The following SPIN1 variants were observed in gnomAD, a reference collection of about 807,000 sequenced individuals.
The protein encoded by SPIN1 is spindlin 1.
A neutral mutation model predicts 26.0 loss-of-function variants in SPIN1; 3 were observed. The ratio of observed to expected loss-of-function variants is 0.12; its 90% CI spans 0.05 to 0.30. The LOEUF is 0.30. Among genes scored for constraint, SPIN1 ranks in the 10% least tolerant of loss-of-function variants. The probability of loss-of-function intolerance (pLI) is 1.00; values close to 1 mark genes in which losing one functional copy is unlikely to be tolerated. For missense variants in SPIN1, 126 were observed against 333.4 expected, an observed-to-expected ratio of 0.38 and a Z score of 4.84; for synonymous variants, 101 against 116.5, an observed-to-expected ratio of 0.87 and a Z score of 0.86.
intron 1 of SPIN1, among the ~76,000 whole-genome samples, chr9:88,396,755 ATAGAG>A (rs1406483197): frequency 6.6e-6 from 1 of 152,130 alleles, no homozygotes; most frequent in Non-Finnish European, 1.5e-5. Context: ...TGTGTACCTC[ATAGAG>A]TATACTTACA....
Position 88,413,422 on chromosome 9 carries a change from C to T in SPIN1, c.-158-12960C>T, listed in dbSNP as rs188680291. ...TATTTTTAAGGCAGTCTCCCTGTAT[C>T]GCCCAGGCTGGAGTGCAGTGGTGCG... On this transcript the variant is annotated intron_variant, in intron 1 of 5. Coordinates refer to ENST00000375859, the MANE Select transcript of SPIN1 (RefSeq NM_006717.3). Among the ~76,000 whole-genome samples, 187 of 147,900 alleles carry T rather than the reference C, an allele frequency of 1.3e-3. 3 individuals are homozygous for T. The highest frequency in any genetic ancestry group is 0.011 in the Admixed American group (162 of 14,828).
chr9:88,460,545 C>T lies in SPIN1; in HGVS notation c.102-1951C>T, dbSNP rs112680791. Among the ~76,000 whole-genome samples the T allele has an allele frequency of 2.0e-4, 30 of 152,200 alleles. 3 individuals are homozygous for T. The South Asian group carries it at 6.0e-3, about 31-fold the overall frequency. On this transcript the variant is annotated intron_variant, in intron 3 of 5. Transcript: ENST00000375859. Reference sequence around the variant, plus strand: ...TGCTATTTTGAAGACTGAGAAGTCCCGTGGAGTGCTGTCTGTAAGCCAAGC... The same window carrying T: ...TGCTATTTTGAAGACTGAGAAGTCCTGTGGAGTGCTGTCTGTAAGCCAAGC...
At chr9:88,455,505 T>C (rs1277739542) in intron 3 of SPIN1, among the ~76,000 whole-genome samples, 1 of 152,152 alleles carries the variant, frequency 6.6e-6, no homozygotes, top group African/African-American at 2.4e-5. Flanking sequence ...AATACTTAAG[T>C]TGTAGAAAAT....
chr9:88,392,381 A>T (rs1359905527), intron 1 of SPIN1, among the ~76,000 whole-genome samples: 1 of 152,196 alleles, frequency 6.6e-6, no homozygotes, highest in Non-Finnish European at 1.5e-5. Context: ...CTGATAGAGG[A>T]GATACACATG....
intron 1 of SPIN1, among the ~76,000 whole-genome samples, chr9:88,413,893 A>G (rs955149425): frequency 1.3e-5 from 2 of 152,174 alleles, no homozygotes; most frequent in African/African-American, 4.8e-5. Context: ...TACCAGCTGC[A>G]AACTTCGGGG....
chr9:88,438,974 G>A (rs1039000760), intron 2 of SPIN1, among the ~76,000 whole-genome samples: 1 of 152,060 alleles, frequency 6.6e-6, no homozygotes, highest in Non-Finnish European at 1.5e-5. Context: ...TTGACTAGAG[G>A]AAACACTTTA....
chr9:88,401,434 G>A (rs1272344798), intron 1 of SPIN1, among the ~76,000 whole-genome samples: 3 of 151,938 alleles, frequency 2.0e-5, no homozygotes, highest in Non-Finnish European at 4.4e-5. Flanking sequence ...CTGCCTCCCC[G>A]CCTGCACCCC....
chr9:88,445,038 G>A (rs572228603), intron 2 of SPIN1, among the ~76,000 whole-genome samples: 1 of 152,250 alleles, frequency 6.6e-6, no homozygotes, highest in Admixed American at 6.5e-5. Context: ...CTTCTAAATG[G>A]GAATGTTGAC....
intron 1 of SPIN1, among the ~76,000 whole-genome samples, chr9:88,406,749 CTTCT>C (rs1564024049): frequency 6.6e-6 from 1 of 152,040 alleles, no homozygotes; most frequent in African/African-American, 2.4e-5. Context: ...CCTTTCTTGC[CTTCT>C]TTTAGATGCT....
At chr9:88,408,981 T>TGTGTGTGTGTGTGTGTG (rs1827375578) in intron 1 of SPIN1, among the ~76,000 whole-genome samples, 2 of 136,596 alleles carry the variant, frequency 1.5e-5, no homozygotes, top group Admixed American at 7.4e-5. Context: ...TTGTGTGTGT[T>TGTGTGTGTGTGTGTGTG]TGTGTGTGTG....
At chr9:88,441,398 C>CGTGT (rs60571153) in intron 2 of SPIN1, among the ~76,000 whole-genome samples, 39 of 137,804 alleles carry the variant, frequency 2.8e-4, no homozygotes, top group East Asian at 8.1e-4. Context: ...TGCTGCCATT[C>CGTGT]GTGTGTGTGT....
At chr9:88,440,728 C>T (rs577653186) in intron 2 of SPIN1, among the ~76,000 whole-genome samples, 44 of 151,682 alleles carry the variant, frequency 2.9e-4, no homozygotes, top group African/African-American at 1.0e-3. Flanking sequence ...ACACGATGCA[C>T]GCCACCACGC....
At chr9:88,449,502 A>G (rs535653007) in intron 3 of SPIN1, among the ~76,000 whole-genome samples, 37 of 152,324 alleles carry the variant, frequency 2.4e-4, no homozygotes, top group African/African-American at 7.7e-4. Context: ...AGATAATGCA[A>G]TAGCCATCTA....
rs1828876653 is a variant in SPIN1, at chr9:88,475,660, T to G, written c.*383T>G. Reference sequence around the variant, plus strand: ...TTTCGTTATTGCCTTTTTTGAGATGTATGTATCTGTATCTACCTATATCTA... The same window carrying G: ...TTTCGTTATTGCCTTTTTTGAGATGGATGTATCTGTATCTACCTATATCTA... On this transcript the variant is annotated 3_prime_UTR_variant, in exon 6 of 6. Transcript: ENST00000375859. The G allele has an allele frequency of 1.0e-5, 2 of 196,578 alleles. No individual in the cohort carries two copies. Among genetic ancestry groups the G allele is most frequent in the Admixed American group, 1.1e-4 (2 of 18,900 alleles). 12.2% of individuals were successfully genotyped at this position (196,578 alleles called of 1,614,324 possible). A position where few individuals can be genotyped will look rare whatever the true frequency, so the allele number is the denominator to read the frequency against.
At chr9:88,451,112 TA>T (rs551909200) in intron 3 of SPIN1, among the ~76,000 whole-genome samples, 4 of 148,910 alleles carry the variant, frequency 2.7e-5, no homozygotes, top group Admixed American at 6.7e-5. Flanking sequence ...AAACCAAATA[TA>T]AAAAAAAAAC....
chr9:88,410,051 A>G (rs1368726209), intron 1 of SPIN1, among the ~76,000 whole-genome samples: 5 of 151,908 alleles, frequency 3.3e-5, no homozygotes, highest in Non-Finnish European at 7.4e-5. Flanking sequence ...ACACTTGGCA[A>G]TTGCTCTCAG....
chr9:88,452,158 T>C (rs1828367549), intron 3 of SPIN1, among the ~76,000 whole-genome samples: 1 of 152,220 alleles, frequency 6.6e-6, no homozygotes, highest in South Asian at 2.1e-4. Context: ...AGTGTCGTTG[T>C]ACTCCTCCTT....
intron 2 of SPIN1, among the ~76,000 whole-genome samples, chr9:88,432,853 G>GT (rs145241458): frequency 0.027 from 4,159 of 151,408 alleles, 183 homozygotes; most frequent in African/African-American, 0.092. Context: ...TTTGTTTTTT[G>GT]TTTTTTTTAA....
intron 1 of SPIN1, among the ~76,000 whole-genome samples, chr9:88,392,506 A>G (rs796263743): frequency 2.6e-5 from 4 of 152,254 alleles, no homozygotes; most frequent in African/African-American, 9.6e-5. Flanking sequence ...GAACAGAGGC[A>G]TGAGAGGAGT....
Sources: gnomAD v4.1 joint callset for allele counts (sites outside exome capture counted in the v4.1 genomes callset) on GRCh38, gnomAD v4.1.1 for gene constraint, MANE v1.5 for transcripts, NCBI Gene and HGNC (gene_info 2026-07-23, HGNC 2026-07-21) for gene names.